The following PCMTD1 variants were observed in gnomAD, a reference collection of about 807,000 sequenced individuals.
PCMTD1 encodes the protein protein-L-isoaspartate O-methyltransferase domain-containing protein 1.
PCMTD1 carries 12 observed loss-of-function variants against 37.6 expected under a neutral mutation model. The ratio of observed to expected loss-of-function variants is 0.32; its 90% confidence interval spans 0.20 to 0.52. PCMTD1 has a LOEUF of 0.52. Ranked by LOEUF, PCMTD1 falls within the 20% of genes least tolerant of loss-of-function variation. The pLI is 0.97. For synonymous variants in PCMTD1, 117 were observed against 135.8 expected (o/e 0.86, Z 0.96); for missense variants, 235 against 421.3 (o/e 0.56, Z 3.87).
intron 2 of PCMTD1, among the ~76,000 whole-genome samples, chr8:51,858,006 AAT>A (rs1445219573): frequency 8.4e-6 from 1 of 118,860 alleles, no homozygotes; most frequent in Non-Finnish European, 2.0e-5. Context: ...TAAATGAATA[AAT>A]TAATAATAAT....
At chr8:51,846,187 C>T (rs1371401222) in intron 2 of PCMTD1, among the ~76,000 whole-genome samples, 1 of 152,180 alleles carries the variant, frequency 6.6e-6, no homozygotes, top group African/African-American at 2.4e-5. Context: ...TGTCTCAGGG[C>T]ATCGCTACCC....
At chr8:51,850,211 G>A in intron 2 of PCMTD1, 1 of 606,312 alleles carries the variant, frequency 1.6e-6, no homozygotes, top group South Asian at 2.0e-5. Context: ...TATAATAGTA[G>A]TCCCTGGGAA....
intron 2 of PCMTD1, among the ~76,000 whole-genome samples, chr8:51,847,554 G>A (rs181796762): frequency 3.6e-4 from 54 of 152,110 alleles, no homozygotes; most frequent in African/African-American, 1.2e-3. Context: ...TTCAACTCAG[G>A]AGACGGAGGT....
chr8:51,894,256 C>A (rs139605038), intron 1 of PCMTD1, among the ~76,000 whole-genome samples: 1 of 152,166 alleles, frequency 6.6e-6, no homozygotes, highest in Non-Finnish European at 1.5e-5. Flanking sequence ...CTTTTTGGAA[C>A]AGCTGCTGGG....
At chr8:51,853,627 A>G (rs908747119) in intron 2 of PCMTD1, among the ~76,000 whole-genome samples, 1 of 152,190 alleles carries the variant, frequency 6.6e-6, no homozygotes, top group Admixed American at 6.5e-5. Flanking sequence ...AATATATTAA[A>G]TAGATTATAA....
intron 2 of PCMTD1, chr8:51,849,945 G>A: frequency 4.6e-6 from 3 of 645,530 alleles, no homozygotes; most frequent in Non-Finnish European, 8.3e-6. Context: ...TTTGAATGAA[G>A]TTCACTGTGC....
intron 1 of PCMTD1, among the ~76,000 whole-genome samples, chr8:51,862,323 A>C (rs767434315): frequency 6.6e-6 from 1 of 150,944 alleles, no homozygotes; most frequent in Non-Finnish European, 1.5e-5. Flanking sequence ...TAATAACCTC[A>C]ATATTCCAAG....
At chr8:51,847,193 A>G (rs2038234367) in intron 2 of PCMTD1, among the ~76,000 whole-genome samples, 3 of 152,242 alleles carry the variant, frequency 2.0e-5, no homozygotes, top group African/African-American at 7.2e-5. Flanking sequence ...TCAAAATAAT[A>G]AAGCAGCCAA....
chr8:51,826,374 G>A (rs963908683), intron 5 of PCMTD1, among the ~76,000 whole-genome samples: 2 of 152,138 alleles, frequency 1.3e-5, no homozygotes, highest in African/African-American at 4.8e-5. Flanking sequence ...CAAGGGATGG[G>A]GGGCTAGGGG....
intron 2 of PCMTD1, among the ~76,000 whole-genome samples, chr8:51,846,738 C>CA (rs71237253): frequency 0.061 from 9,278 of 152,080 alleles, 385 homozygotes; most frequent in Non-Finnish European, 0.088. Flanking sequence ...TACTTTTAAC[C>CA]AAAAAATCAC....
intron 5 of PCMTD1, among the ~76,000 whole-genome samples, chr8:51,829,217 G>A (rs1198135445): frequency 1.3e-5 from 2 of 152,088 alleles, no homozygotes; most frequent in Non-Finnish European, 2.9e-5. Context: ...CTTTGATGGT[G>A]GCTCCCATTA....
chr8:51,888,173 T>C (rs1263909964), intron 1 of PCMTD1, among the ~76,000 whole-genome samples: 3 of 152,198 alleles, frequency 2.0e-5, no homozygotes, highest in Non-Finnish European at 4.4e-5. Flanking sequence ...AAAGCTACCA[T>C]ATAGATTCAT....
Position 51,818,183 on chromosome 8 carries a change from T to C in PCMTD1, c.*2168A>G, listed in dbSNP as rs536226537. On this transcript the variant is annotated 3_prime_UTR_variant, in exon 6 of 6. Transcript: ENST00000522514. ...AGCTTTAATTTTCATTTTTCATTTC[T>C]ACCTCTTAAAGTCAATGATAAACTC... is the stretch of plus-strand genomic sequence containing the variant. 353 of 317,992 alleles carry C rather than the reference T, an allele frequency of 1.1e-3. No homozygotes were observed. Among genetic ancestry groups the C allele is most frequent in the South Asian group, 9.3e-3 (347 of 37,302 alleles). The allele number at this position is 317,992 out of a possible 1,614,324, so 19.7% of individuals were successfully genotyped here. A position where few individuals can be genotyped will look rare whatever the true frequency, so the allele number is the denominator to read the frequency against.
rs1005999398 is a variant in PCMTD1, at chr8:51,885,343, T to C, written c.-96+13587A>G. Among the ~76,000 whole-genome samples, 19 of 152,170 alleles carry C rather than the reference T, an allele frequency of 1.2e-4. 2 individuals are homozygous for C. Among genetic ancestry groups the C allele is most frequent in the Admixed American group, 1.2e-3 (18 of 15,268 alleles). ...TTCTGTGTTAAGAGAGCTGTCACAA[T>C]GATCAGAGAGGGGAAGTTAGACGCC... On this transcript the variant is annotated intron_variant, in intron 1 of 5. Transcript: ENST00000522514.
chr8:51,895,444 T>C (rs34837796), intron 1 of PCMTD1, among the ~76,000 whole-genome samples: 9,400 of 152,298 alleles, frequency 0.062, 382 homozygotes, highest in Non-Finnish European at 0.087. Flanking sequence ...AATTAGTTTT[T>C]AAACTCCAAG....
intron 1 of PCMTD1, among the ~76,000 whole-genome samples, chr8:51,863,213 G>A (rs2038500386): frequency 6.6e-6 from 1 of 151,994 alleles, no homozygotes; most frequent in South Asian, 2.1e-4. Flanking sequence ...AAAGATATTT[G>A]GCAAATTGCT....
chr8:51,892,988 TTAAC>T (rs1216117144), intron 1 of PCMTD1, among the ~76,000 whole-genome samples: 3 of 152,352 alleles, frequency 2.0e-5, no homozygotes, highest in African/African-American at 7.2e-5. Flanking sequence ...ATGTGATATA[TTAAC>T]TATTTTTAAA....
intron 1 of PCMTD1, among the ~76,000 whole-genome samples, chr8:51,898,486 G>A (rs1282618899): frequency 1.3e-5 from 2 of 152,062 alleles, no homozygotes; most frequent in South Asian, 2.1e-4. Context: ...CAAAACAGAA[G>A]TCACTGGGCG....
intron 2 of PCMTD1, among the ~76,000 whole-genome samples, chr8:51,856,497 CT>C (rs1414366620): frequency 5.9e-5 from 9 of 152,346 alleles, no homozygotes; most frequent in Admixed American, 5.9e-4. Context: ...CAATTCTACT[CT>C]TTAAGAATCT....
Sources: allele counts gnomAD v4.1 joint callset (sites outside exome capture counted in the v4.1 genomes callset), GRCh38; gene constraint gnomAD v4.1.1; transcripts MANE v1.5; gene names NCBI Gene and HGNC (gene_info 2026-07-23, HGNC 2026-07-21).